Variants in USP24 observed in about 807,000 individuals in gnomAD.
USP24 encodes the protein ubiquitin specific peptidase 24.
A neutral mutation model predicts 361.6 loss-of-function variants in USP24; 97 were observed. The ratio of observed to expected loss-of-function variants is 0.27; its 90% CI spans 0.23 to 0.32. The LOEUF (loss-of-function observed/expected upper bound fraction) is 0.32, where lower values mean the gene tolerates loss of function less well. Ranked by LOEUF, USP24 falls within the 10% of genes least tolerant of loss-of-function variation. The probability of loss-of-function intolerance (pLI) is 1.00; values close to 1 mark genes in which losing one functional copy is unlikely to be tolerated. For missense variants in USP24, 2,353 were observed against 3,165.6 expected (o/e 0.74, Z 6.16); for synonymous variants, 1,098 against 1,124.6 (o/e 0.98, Z 0.47).
At chr1:55,109,158 T>C (rs1002085061) in intron 39 of USP24, among the ~76,000 whole-genome samples, 4 of 152,094 alleles carry the variant, frequency 2.6e-5, no homozygotes, top group African/African-American at 9.7e-5. Context: ...CCGGCTGATT[T>C]TGTGTTTTTG....
At chr1:55,150,333 G>A (rs895749020) in intron 16 of USP24, among the ~76,000 whole-genome samples, 14 of 152,074 alleles carry the variant, frequency 9.2e-5, no homozygotes, top group African/African-American at 3.1e-4. Context: ...ACTGCAAAAC[G>A]GACAGTTTCT....
chr1:55,199,658 G>A (rs555294720), intron 1 of USP24, among the ~76,000 whole-genome samples: 2 of 151,418 alleles, frequency 1.3e-5, no homozygotes, highest in African/African-American at 4.9e-5. Flanking sequence ...AGAAGCTAAA[G>A]CAAATGTGAC....
At chr1:55,071,632 A>C (rs1246363480) in intron 67 of USP24, 182 bp downstream of exon 67, 8 of 1,148,700 alleles carry the variant, frequency 7.0e-6, no homozygotes, top group Non-Finnish European at 9.6e-6. Context: ...AGCACTACTC[A>C]GCCCTGTAAA....
intron 59 of USP24, 44 bp from the exon 60 acceptor site, chr1:55,079,703 T>C (rs746757775): frequency 6.7e-7 from 1 of 1,501,178 alleles, no homozygotes; most frequent in Non-Finnish European, 8.8e-7. Context: ...TCTCACCTGG[T>C]GTTACTCCAC....
intron 2 of USP24, among the ~76,000 whole-genome samples, 161 bp from the exon 3 acceptor site, chr1:55,176,604 T>A (rs149241157): frequency 0.012 from 1,814 of 152,326 alleles, 39 homozygotes; most frequent in African/African-American, 0.042. Context: ...CATAGGAACC[T>A]TAGTTCTTAC....
intron 51 of USP24, among the ~76,000 whole-genome samples, chr1:55,094,918 G>T (rs757779702): frequency 6.6e-6 from 1 of 152,002 alleles, no homozygotes. Flanking sequence ...TGGAAGGATC[G>T]CTTCAGCCTG....
chr1:55,070,519 C>T (rs556470257), intron 67 of USP24, among the ~76,000 whole-genome samples: 2 of 152,252 alleles, frequency 1.3e-5, no homozygotes, highest in African/African-American at 4.8e-5. Flanking sequence ...AAGATGAGGC[C>T]TGAAAGCTGC....
Position 55,089,616 on chromosome 1 carries a change from C to A in USP24, c.6668+11G>T. ...ACAAATTTCTTTTAATTAAAAGACT[C>A]CAACACTTACTTTATCAATTCTCGT... On this transcript the variant is annotated intron_variant, in intron 55 of 67. Transcript: ENST00000294383. 1 of 1,548,794 alleles carries A rather than the reference C, an allele frequency of 6.5e-7. No individual in the cohort carries two copies. The highest frequency in any genetic ancestry group is 1.2e-5 in the South Asian group (1 of 82,746).
chr1:55,113,654 C>T (rs1557580080), intron 38 of USP24, among the ~76,000 whole-genome samples: 1 of 152,200 alleles, frequency 6.6e-6, no homozygotes, highest in Non-Finnish European at 1.5e-5. Context: ...CAAACTGATT[C>T]CAGCAGCACA....
At chr1:55,174,042 A>G (rs1043307832) in intron 3 of USP24, among the ~76,000 whole-genome samples, 1 of 152,242 alleles carries the variant, frequency 6.6e-6, no homozygotes, top group African/African-American at 2.4e-5. Context: ...AGGTTTAAAC[A>G]TAACCATGCA....
At chr1:55,193,402 T>C (rs1263089882) in intron 1 of USP24, among the ~76,000 whole-genome samples, 1 of 152,184 alleles carries the variant, frequency 6.6e-6, no homozygotes, top group Non-Finnish European at 1.5e-5. Flanking sequence ...AAGGTTTTCA[T>C]GAGAAGAGGT....
rs1395760558 is a variant in USP24 at position 55,107,857 on chromosome 1, A to AC, written c.4571-428_4571-427insG. On this transcript the variant is annotated intron_variant, in intron 39 of 67. Transcript: ENST00000294383. ...ACTCTGTCTCAAAAAAAAAAAAAAA[A>AC]AAAAAAAAACACACAAAAACCCCAC... is the stretch of plus-strand genomic sequence containing the variant. 1.4e-3 allele frequency among the ~76,000 whole-genome samples: 213 copies of AC among 148,612 alleles called. 1 individual carries two copies. Among genetic ancestry groups the AC allele is most frequent in the Non-Finnish European group, 2.3e-3 (152 of 67,212 alleles).
intron 55 of USP24, 97 bp from the exon 56 acceptor site, chr1:55,086,135 GTAGAGTCT>G: frequency 8.5e-7 from 1 of 1,182,388 alleles, no homozygotes; most frequent in Admixed American, 1.8e-5. Flanking sequence ...AGAAACAAAA[GTAGAGTCT>G]CCTGACAGTG....
chr1:55,089,477 T>C (rs1645327239), intron 55 of USP24, 150 bp downstream of exon 55: 2 of 610,886 alleles, frequency 3.3e-6, no homozygotes, highest in Non-Finnish European at 5.7e-6. Flanking sequence ...ACCTGAATTA[T>C]TTCCTCACTG....
At chr1:55,115,426 G>A (rs1319355355) in intron 38 of USP24, among the ~76,000 whole-genome samples, 2 of 136,600 alleles carry the variant, frequency 1.5e-5, no homozygotes, top group Admixed American at 8.2e-5. Context: ...AACCTGGGAG[G>A]CGGAGCTTGC....
intron 15 of USP24, 51 bp downstream of exon 15, chr1:55,154,068 C>T (rs1647373060): frequency 1.2e-6 from 2 of 1,608,418 alleles, no homozygotes; most frequent in Non-Finnish European, 1.7e-6. Flanking sequence ...TCTAATTACT[C>T]AGGGAATACT....
At position 55,092,816 on chromosome 1, in the gene USP24, C is replaced by A; in HGVS notation, c.6450+5G>T. ...TTATTTCTAACAATCCAGTTAGTTA[C>A]TTACAGCATTCAATGAAGCTAAAGA... On this transcript the variant is annotated splice_donor_5th_base_variant and intron_variant, in intron 53 of 67. Transcript: ENST00000294383. The A allele has an allele frequency of 6.4e-7, 1 of 1,556,666 alleles. No homozygotes were observed. Among genetic ancestry groups the A allele is most frequent in the East Asian group, 2.3e-5 (1 of 43,040 alleles).
Position 55,157,298 on chromosome 1 carries a change from C to G in USP24, c.1300G>C (p.Asp434His). ...KNAIDTDRLL[D>H]WLVENSVLSI... ...AGAACTGAGTTTTCAACTAGCCAAT[C>G]TAATAATCTGTCTGTATCTATAGCA... Residue 434 changes from aspartate to histidine, a missense_variant, in exon 11 of 68, where the codon GAT becomes CAT. By Grantham distance (81) the Asp-to-His change is moderately conservative. Around this residue, in one of 8 missense-constraint regions of USP24, gnomAD observed 386 missense variants for 560.5 expected, o/e 0.69. Transcript: ENST00000294383. The G allele has an allele frequency of 5.6e-6, 9 of 1,603,200 alleles. No homozygotes were observed. The highest frequency in any genetic ancestry group is 7.6e-6 in the Non-Finnish European group (9 of 1,177,210).
At chr1:55,199,215 G>C (rs1265544158) in intron 1 of USP24, among the ~76,000 whole-genome samples, 1 of 152,114 alleles carries the variant, frequency 6.6e-6, no homozygotes, top group Non-Finnish European at 1.5e-5. Context: ...CTTGAACCCG[G>C]GAGGTGGAGG....
Sources: gnomAD v4.1 joint callset for allele counts (sites outside exome capture counted in the v4.1 genomes callset) on GRCh38, gnomAD v4.1.1 for gene constraint, gnomAD v4.1.1 regional missense constraint, MANE v1.5 for transcripts, NCBI Gene and HGNC (gene_info 2026-07-23, HGNC 2026-07-21) for gene names.